PASD1: variants seen among roughly 807,000 people sequenced by gnomAD.
The protein encoded by PASD1 is circadian clock protein PASD1.
Under a neutral mutation model 58.8 loss-of-function variants are expected in PASD1, and 13 were observed. The observed-to-expected ratio is 0.22, with a 90% CI of 0.14 to 0.35. The LOEUF is 0.35. Among genes scored for constraint, PASD1 ranks in the 10% least tolerant of loss-of-function variants. PASD1 has a pLI of 1.00. For missense variants in PASD1, 734 were observed against 568.3 expected (o/e 1.29, Z -2.96); for synonymous variants, 236 against 216.7 (o/e 1.09, Z -0.78).
intron 1 of PASD1, among the ~76,000 whole-genome samples, chrX:151,589,871 T>C (rs2013221692): frequency 8.9e-6 from 1 of 112,483 alleles, no homozygotes; most frequent in Non-Finnish European, 1.9e-5. Context: ...TTTGCTTTTA[T>C]TTCTCATTCT....
At chrX:151,588,207 G>A (rs1368246142) in intron 1 of PASD1, among the ~76,000 whole-genome samples, 1 of 112,063 alleles carries the variant, frequency 8.9e-6, no homozygotes, top group Non-Finnish European at 1.9e-5. Flanking sequence ...TTTATAAAGA[G>A]TGTGTACGTG....
intron 2 of PASD1, 101 bp downstream of exon 2, chrX:151,601,682 G>A (rs1487050976): frequency 1.2e-6 from 1 of 838,571 alleles, no homozygotes; most frequent in Non-Finnish European, 1.7e-6. Context: ...AGGGAAGCCT[G>A]ATTCACTCAG....
intron 4 of PASD1, among the ~76,000 whole-genome samples, chrX:151,619,066 A>T (rs1024082531): frequency 9.0e-6 from 1 of 111,309 alleles, no homozygotes; most frequent in African/African-American, 3.3e-5. Flanking sequence ...CATGGCAAGA[A>T]TAGATGCAGG....
intron 8 of PASD1, among the ~76,000 whole-genome samples, chrX:151,644,991 G>A (rs1444835602): frequency 9.0e-6 from 1 of 110,839 alleles, no homozygotes; most frequent in Non-Finnish European, 1.9e-5. Flanking sequence ...GGAGAGGTGG[G>A]CTTTGGAGCT....
intron 9 of PASD1, among the ~76,000 whole-genome samples, chrX:151,654,128 C>G (rs1390644567): frequency 9.7e-6 from 1 of 103,359 alleles, no homozygotes; most frequent in Non-Finnish European, 2.0e-5. Flanking sequence ...CACTGCCAGA[C>G]TCACCTCATT....
intron 10 of PASD1, among the ~76,000 whole-genome samples, chrX:151,662,289 C>T (rs1297390711): frequency 3.6e-5 from 4 of 110,127 alleles, no homozygotes; most frequent in South Asian, 3.9e-4. Context: ...AATCCAATAC[C>T]GTCATTAAAA....
intron 11 of PASD1, among the ~76,000 whole-genome samples, chrX:151,665,969 A>G (rs2014373301): frequency 9.2e-6 from 1 of 108,523 alleles, no homozygotes. Context: ...ACATAGTGAA[A>G]GAAGGACAAG....
rs150266811 is a variant in PASD1, at chrX:151,608,884, C to G, written c.118-2780C>G. Among the ~76,000 whole-genome samples the G allele has an allele frequency of 7.1e-3, 794 of 111,258 alleles. 13 individuals are homozygous for G. Among genetic ancestry groups the G allele is most frequent in the African/African-American group, 0.025 (765 of 30,704 alleles). On this transcript the variant is annotated intron_variant, in intron 3 of 15. Transcript: ENST00000370357. ...TAATATTCTCTTATCTTCATAATGT[C>G]TAAAGCTTCTGTAATGATATCCACT...
intron 1 of PASD1, among the ~76,000 whole-genome samples, chrX:151,599,509 G>A (rs79802158): frequency 1.3e-4 from 15 of 111,329 alleles, no homozygotes; most frequent in Middle Eastern, 4.6e-3. Context: ...CTTCCCAGAC[G>A]GGGCGGCTGC....
chrX:151,583,014 G>A (rs1020781174), intron 1 of PASD1, among the ~76,000 whole-genome samples: 3 of 111,922 alleles, frequency 2.7e-5, no homozygotes, highest in African/African-American at 6.5e-5. Context: ...TGGGATGTTC[G>A]TGCTTAGTCC....
At chrX:151,651,090 A>G (rs1368828174) in intron 9 of PASD1, among the ~76,000 whole-genome samples, 3 of 112,019 alleles carry the variant, frequency 2.7e-5, no homozygotes, top group African/African-American at 9.7e-5. Context: ...GTACTCACAA[A>G]GGGTTAGTAA....
intron 8 of PASD1, among the ~76,000 whole-genome samples, chrX:151,638,084 G>A (rs2124287048): frequency 8.9e-6 from 1 of 111,738 alleles, no homozygotes; most frequent in East Asian, 2.8e-4. Context: ...TTCTGGGTTT[G>A]TCACTTATTG....
intron 2 of PASD1, 103 bp from the exon 3 acceptor site, chrX:151,604,543 A>G (rs1196801240): frequency 5.7e-6 from 3 of 525,781 alleles, no homozygotes; most frequent in Non-Finnish European, 9.3e-6. Flanking sequence ...TTTTCTCATA[A>G]GAGTCTTTTC....
chrX:151,667,453 G>C lies in PASD1; in HGVS notation c.1071+3105G>C, dbSNP rs1316547037. Among the ~76,000 whole-genome samples, 6 of 111,845 alleles carry C rather than the reference G, an allele frequency of 5.4e-5. No individual in the cohort carries two copies. The East Asian group carries it at 1.1e-3, about 21-fold the overall frequency. ...TCGGTGTTTTAGACATGAAGTCCTT[G>C]CCCACGCCTATGTCCTGAATGGTAT... On this transcript the variant is annotated intron_variant, in intron 11 of 15. Transcript: ENST00000370357.
At chrX:151,566,178 T>C (rs1358975543) in intron 1 of PASD1, among the ~76,000 whole-genome samples, 8 of 112,390 alleles carry the variant, frequency 7.1e-5, no homozygotes, top group Non-Finnish European at 1.5e-4. Flanking sequence ...AAGATGCAGC[T>C]TTTAGGGAGT....
At position 151,563,714 on chromosome X, in the gene PASD1, G is replaced by C. The variant is rs1490088315; in HGVS notation, c.-153G>C. 8.9e-6 allele frequency: 1 copy of C among 112,138 alleles called. No individual in the cohort carries two copies. The highest frequency in any genetic ancestry group is 3.3e-5 in the African/African-American group (1 of 30,769). The allele number at this position is 112,138 out of a possible 1,213,427, so 9.2% of individuals were successfully genotyped here. ...ACGCACTTCCCTGAAGAGTCTAGAA[G>C]CTGCTCCTCATTTCCAGACTTTCCG... is the stretch of plus-strand genomic sequence containing the variant. On this transcript the variant is annotated 5_prime_UTR_variant, in exon 1 of 16. Coordinates refer to ENST00000370357, the MANE Select transcript of PASD1 (RefSeq NM_173493.3).
rs776373877 is a variant in PASD1 at position 151,676,068 on chromosome X, G to A, written c.2247G>A (p.Gln749=). ...CTTTCCAAGGCCCTGCTGCATACCA[G>A]CCAGACCAGATGAGATCTGCGGAGC... ...PQAFQGPAAY[Q]PDQMRSAEQT... Residue 749 remains glutamine (Q), a synonymous_variant, in exon 16 of 16, where the codon CAG becomes CAA. Coordinates refer to ENST00000370357, the MANE Select transcript of PASD1 (RefSeq NM_173493.3). 147 of 1,209,483 alleles carry A rather than the reference G, an allele frequency of 1.2e-4. No individual in the cohort carries two copies. The highest frequency in any genetic ancestry group is 1.5e-4 in the Non-Finnish European group (138 of 894,874).
chrX:151,648,705 A>G lies in PASD1; in HGVS notation c.717+3A>G, dbSNP rs201593070. 3.1e-5 allele frequency: 38 copies of G among 1,207,622 alleles called. No individual in the cohort carries two copies. Among genetic ancestry groups the G allele is most frequent in the African/African-American group, 5.3e-5 (3 of 56,928 alleles). On this transcript the variant is annotated splice_donor_region_variant and intron_variant, in intron 9 of 15. Coordinates refer to ENST00000370357, the MANE Select transcript of PASD1 (RefSeq NM_173493.3). ...CTGCTGCTGCTGCTATCTCAGACGT[A>G]TGTACATTGAGGACCATAGACTACA...
intron 1 of PASD1, among the ~76,000 whole-genome samples, chrX:151,592,155 A>G (rs749897454): frequency 1.4e-3 from 161 of 112,103 alleles, no homozygotes; most frequent in African/African-American, 4.8e-3. Context: ...GGAATTTTGT[A>G]ATTAACTTGT....
Sources: gnomAD v4.1 joint callset for allele counts (sites outside exome capture counted in the v4.1 genomes callset) on GRCh38, gnomAD v4.1.1 for gene constraint, MANE v1.5 for transcripts, NCBI Gene and HGNC (gene_info 2026-07-23, HGNC 2026-07-21) for gene names.